SLC27A6: variants seen among roughly 807,000 people sequenced by gnomAD.
SLC27A6 encodes the protein solute carrier family 27 member 6.
In SLC27A6, 74 loss-of-function variants were observed where a neutral mutation model predicts 63.9. That is an observed-to-expected ratio of 1.16 (90% CI 0.96 to 1.40). SLC27A6 has a LOEUF of 1.40. Among genes scored for constraint, SLC27A6 ranks in the 40% most tolerant of loss-of-function variants. The pLI is 0.00. For missense variants in SLC27A6, 794 were observed against 732.9 expected (o/e 1.08, Z -0.96); for synonymous variants, 287 against 260.8 (o/e 1.10, Z -0.97).
intron 5 of SLC27A6, 93 bp downstream of exon 5, chr5:129,016,172 C>G: frequency 1.2e-6 from 1 of 857,398 alleles, no homozygotes; most frequent in African/African-American, 1.8e-5. Context: ...GTGGGCAGAT[C>G]ATGAGGTCAG....
At chr5:129,019,803 T>C (rs996970652) in intron 5 of SLC27A6, among the ~76,000 whole-genome samples, 2 of 151,724 alleles carry the variant, frequency 1.3e-5, no homozygotes, top group African/African-American at 4.8e-5. Context: ...AGCAAGCAAA[T>C]GATAATTTAA....
At chr5:129,030,548 C>T (rs67340123) in intron 9 of SLC27A6, among the ~76,000 whole-genome samples, 34,063 of 151,918 alleles carry the variant, frequency 0.22, 3,888 homozygotes, top group Middle Eastern at 0.28. Context: ...CCTATTTCAT[C>T]TCTCTTTTTG....
chr5:128,968,653 C>A (rs1283939858), intron 1 of SLC27A6, among the ~76,000 whole-genome samples: 1 of 152,044 alleles, frequency 6.6e-6, no homozygotes, highest in Admixed American at 6.5e-5. Context: ...TTTGTAGATT[C>A]TAGATATTAG....
chr5:128,992,141 ACC>A (rs1751006597), intron 4 of SLC27A6, among the ~76,000 whole-genome samples: 2 of 134,174 alleles, frequency 1.5e-5, no homozygotes. Context: ...GGGCAACAGA[ACC>A]TTGGCCTTTG....
chr5:129,027,479 CT>C, intron 7 of SLC27A6, 148 bp downstream of exon 7: 1 of 631,490 alleles, frequency 1.6e-6, no homozygotes, highest in African/African-American at 1.8e-5. Flanking sequence ...TATTGGCCAT[CT>C]GTTTCTAGAC....
intron 4 of SLC27A6, among the ~76,000 whole-genome samples, chr5:129,007,442 TAA>T (rs569920098): frequency 0.25 from 26,282 of 103,510 alleles, 3,305 homozygotes; most frequent in East Asian, 0.66. Flanking sequence ...GACTCAGTCT[TAA>T]AAAAAAAAAA....
chr5:129,029,366 A>G (rs1752343445), intron 8 of SLC27A6, among the ~76,000 whole-genome samples: 1 of 152,028 alleles, frequency 6.6e-6, no homozygotes, highest in African/African-American at 2.4e-5. Context: ...ATAGGCAATT[A>G]GAGATAGACT....
At chr5:128,976,727 A>C (rs1462832843) in intron 1 of SLC27A6, among the ~76,000 whole-genome samples, 1 of 152,164 alleles carries the variant, frequency 6.6e-6, no homozygotes, top group Non-Finnish European at 1.5e-5. Context: ...GCAAGGCTGC[A>C]TGCATTATTT....
chr5:128,974,133 T>C (rs1412285121), intron 1 of SLC27A6, among the ~76,000 whole-genome samples: 1 of 152,262 alleles, frequency 6.6e-6, no homozygotes, highest in Non-Finnish European at 1.5e-5. Flanking sequence ...TAGGACTGGC[T>C]ACTTCTCAAG....
At chr5:128,985,935 G>T (rs1454903453) in intron 2 of SLC27A6, among the ~76,000 whole-genome samples, 1 of 152,068 alleles carries the variant, frequency 6.6e-6, no homozygotes, top group Non-Finnish European at 1.5e-5. Context: ...TGCAGGTTTG[G>T]ACTAAGATAC....
In SLC27A6 at chr5:128,966,277, A is replaced by G; in HGVS notation, c.140A>G (p.Tyr47Cys). Residue 47 changes from tyrosine (Y) to cysteine (C), a missense_variant, in exon 1 of 10, where the codon TAT becomes TGT. By Grantham distance (194) the Tyr-to-Cys change is radical (BLOSUM62 -2). Coordinates refer to ENST00000262462, the MANE Select transcript of SLC27A6 (RefSeq NM_001017372.3). ...VVLIIIRLKK[Y>C]EKRGELVTVL... ...CTCATTATAATTCGGCTGAAGAAGTATGAAAAGAGAGGGGAGCTGGTGACT... is the reference window on the plus strand; with the variant it reads ...CTCATTATAATTCGGCTGAAGAAGTGTGAAAAGAGAGGGGAGCTGGTGACT... 1 of 1,613,978 alleles carries G rather than the reference A, an allele frequency of 6.2e-7. No individual in the cohort carries two copies. The highest frequency in any genetic ancestry group is 8.5e-7 in the Non-Finnish European group (1 of 1,179,924).
chr5:129,027,897 GGTTAACACCTAGAAATTTAA>G (rs1412205250), intron 7 of SLC27A6, among the ~76,000 whole-genome samples: 1 of 151,724 alleles, frequency 6.6e-6, no homozygotes, highest in African/African-American at 2.4e-5. Context: ...AGTCAAAGGG[GGTTAACACCTAGAAATTTAA>G]GTGGGTCAGA....
chr5:129,002,710 G>A (rs542094096), intron 4 of SLC27A6, among the ~76,000 whole-genome samples: 1 of 152,288 alleles, frequency 6.6e-6, no homozygotes, highest in East Asian at 1.9e-4. Flanking sequence ...ACATTTTAAT[G>A]AGTTCAAATT....
intron 5 of SLC27A6, among the ~76,000 whole-genome samples, chr5:129,020,020 A>G (rs985566371): frequency 6.6e-6 from 1 of 152,132 alleles, no homozygotes; most frequent in Non-Finnish European, 1.5e-5. Flanking sequence ...TCCTGGTAAA[A>G]TTATGAAACA....
chr5:128,972,333 C>T (rs1750202800), intron 1 of SLC27A6, among the ~76,000 whole-genome samples: 1 of 152,198 alleles, frequency 6.6e-6, no homozygotes, highest in African/African-American at 2.4e-5. Flanking sequence ...GGTAAGTTCT[C>T]CTGGATAATA....
rs185300122 is a variant in SLC27A6 at position 128,975,984 on chromosome 5, A to G, written c.482-9149A>G. 3.5e-4 allele frequency among the ~76,000 whole-genome samples: 54 copies of G among 152,260 alleles called. 1 individual carries two copies. The highest frequency in any genetic ancestry group is 1.3e-3 in the African/African-American group (52 of 41,568). On this transcript the variant is annotated intron_variant, in intron 1 of 9. Coordinates refer to ENST00000262462, the MANE Select transcript of SLC27A6 (RefSeq NM_001017372.3). Reference sequence around the variant, plus strand: ...CCATTTAAACTTCCTATTAAAATCAATTATTTTCTTTTGTAACAGAAGTAA... The same window carrying G: ...CCATTTAAACTTCCTATTAAAATCAGTTATTTTCTTTTGTAACAGAAGTAA...
Position 128,988,635 on chromosome 5 carries a change from G to GT in SLC27A6, c.725dup (p.Leu242PhefsTer16). 6.2e-7 allele frequency: 1 copy of GT among 1,614,040 alleles called. No homozygotes were observed. Among genetic ancestry groups the GT allele is most frequent in the Non-Finnish European group, 8.5e-7 (1 of 1,179,966 alleles). On this transcript the variant is annotated frameshift_variant, in exon 3 of 10. Transcript: ENST00000262462. LOFTEE classifies it high-confidence loss of function. ...AGCAGCTGTGATTAGTCAGCTGCAG[G>GT]TTTTAAGGGGTTCTGCTGTCCTGTG... is the stretch of plus-strand genomic sequence containing the variant.
chr5:129,005,961 G>C (rs1388323888), intron 4 of SLC27A6, among the ~76,000 whole-genome samples: 2 of 151,606 alleles, frequency 1.3e-5, no homozygotes, highest in Admixed American at 6.6e-5. Flanking sequence ...ACGGGACATG[G>C]CTCAGATTGG....
intron 4 of SLC27A6, among the ~76,000 whole-genome samples, chr5:129,007,215 G>A (rs1023575275): frequency 1.3e-4 from 19 of 151,956 alleles, no homozygotes; most frequent in Non-Finnish European, 2.2e-4. Flanking sequence ...GGAGGCCGAG[G>A]CGGGTGGATC....
Sources: gnomAD v4.1 joint callset for allele counts (sites outside exome capture counted in the v4.1 genomes callset) on GRCh38, gnomAD v4.1.1 for gene constraint, MANE v1.5 for transcripts, NCBI Gene and HGNC (gene_info 2026-07-23, HGNC 2026-07-21) for gene names.